The following PALM2AKAP2 variants were observed in gnomAD, a reference collection of about 807,000 sequenced individuals.
PALM2AKAP2 encodes the protein PALM2 and AKAP2 fusion.
PALM2AKAP2 carries 37 observed loss-of-function variants against 71.5 expected under a neutral mutation model. That is an observed-to-expected ratio of 0.52 (90% CI 0.40 to 0.68). The LOEUF (loss-of-function observed/expected upper bound fraction) is 0.68, where lower values mean the gene tolerates loss of function less well. Ranked by LOEUF, PALM2AKAP2 falls within the 30% of genes least tolerant of loss-of-function variation. The pLI is 0.00. For missense variants in PALM2AKAP2, 1,224 were observed against 1,191.8 expected (o/e 1.03, Z -0.40); for synonymous variants, 468 against 478.8 (o/e 0.98, Z 0.29).
intron 1 of PALM2AKAP2, among the ~76,000 whole-genome samples, chr9:109,757,391 G>A (rs998094503): frequency 6.6e-6 from 1 of 152,054 alleles, no homozygotes; most frequent in African/African-American, 2.4e-5. Flanking sequence ...TGAAATAAAA[G>A]CCTTTGATGC....
intron 1 of PALM2AKAP2, among the ~76,000 whole-genome samples, chr9:109,750,427 G>C (rs1828868896): frequency 6.6e-6 from 1 of 152,012 alleles, no homozygotes; most frequent in Non-Finnish European, 1.5e-5. Flanking sequence ...ATAATGTAAA[G>C]GAAAAAGAGG....
intron 1 of PALM2AKAP2, among the ~76,000 whole-genome samples, chr9:109,744,590 T>C (rs916828337): frequency 6.6e-6 from 1 of 152,152 alleles, no homozygotes; most frequent in Non-Finnish European, 1.5e-5. Flanking sequence ...AAGACAGCAA[T>C]TGACTATTTT....
chr9:110,115,146 A>G (rs1249366491), intron 1 of PALM2AKAP2, among the ~76,000 whole-genome samples: 1 of 152,192 alleles, frequency 6.6e-6, no homozygotes, highest in African/African-American at 2.4e-5. Context: ...AGCTGCTCCC[A>G]GAGTCTGGCT....
intron 1 of PALM2AKAP2, among the ~76,000 whole-genome samples, chr9:109,712,774 ATTTAG>A (rs1351608515): frequency 2.6e-5 from 4 of 152,268 alleles, no homozygotes; most frequent in Middle Eastern, 3.4e-3. Flanking sequence ...GTGGCTCCCC[ATTTAG>A]GTGGTCTCCA....
intron 1 of PALM2AKAP2, chr9:109,866,947 A>C: frequency 4.5e-6 from 2 of 441,798 alleles, no homozygotes; most frequent in Non-Finnish European, 4.6e-6. Context: ...AACCCATTTC[A>C]TTTGCATTGT....
At chr9:110,058,050 C>T (rs1833883389) in intron 1 of PALM2AKAP2, among the ~76,000 whole-genome samples, 1 of 152,176 alleles carries the variant, frequency 6.6e-6, no homozygotes, top group South Asian at 2.1e-4. Flanking sequence ...ACACACAGGA[C>T]ACCCCCTTCC....
intron 1 of PALM2AKAP2, among the ~76,000 whole-genome samples, chr9:110,057,931 A>G (rs1326926014): frequency 6.6e-6 from 1 of 152,218 alleles, no homozygotes; most frequent in Non-Finnish European, 1.5e-5. Context: ...AAGACTCAGG[A>G]CTTGAATCCA....
At chr9:109,999,759 T>A (rs1053892203) in intron 6 of PALM2AKAP2, among the ~76,000 whole-genome samples, 2 of 152,212 alleles carry the variant, frequency 1.3e-5, no homozygotes, top group African/African-American at 2.4e-5. Context: ...CCCTAATTTG[T>A]GTCCCACTAA....
chr9:109,914,612 A>G (rs909994452), intron 3 of PALM2AKAP2, among the ~76,000 whole-genome samples: 10 of 152,236 alleles, frequency 6.6e-5, no homozygotes, highest in African/African-American at 2.2e-4. Flanking sequence ...TTGACTGCTC[A>G]ACTATGAAAC....
intron 1 of PALM2AKAP2, among the ~76,000 whole-genome samples, chr9:109,698,619 G>A (rs1018279012): frequency 2.6e-5 from 4 of 152,076 alleles, no homozygotes; most frequent in African/African-American, 9.7e-5. Context: ...CATCCAAAAT[G>A]CTTTACCCTA....
chr9:109,712,975 G>A (rs1033658751), intron 1 of PALM2AKAP2, among the ~76,000 whole-genome samples: 1 of 152,188 alleles, frequency 6.6e-6, no homozygotes, highest in Non-Finnish European at 1.5e-5. Context: ...CTTTCACCCT[G>A]ATGGGCCACA....
At chr9:109,949,753 C>A (rs1416910480) in intron 6 of PALM2AKAP2, among the ~76,000 whole-genome samples, 1 of 152,268 alleles carries the variant, frequency 6.6e-6, no homozygotes, top group East Asian at 1.9e-4. Flanking sequence ...CTTGATAGCT[C>A]TCTGGGCTAT....
At position 110,077,738 on chromosome 9, in the gene PALM2AKAP2, G is replaced by A. The variant is rs191135676; in HGVS notation, c.156+28883G>A. Among the ~76,000 whole-genome samples the A allele has an allele frequency of 1.9e-4, 29 of 152,264 alleles. No individual in the cohort carries two copies. In the East Asian group the frequency reaches 4.8e-3, roughly 25 times the overall value. On this transcript the variant is annotated intron_variant, in intron 1 of 3. Transcript: ENST00000374525. ...ACAGAAAATATTGTAGGTCTTAGCCGAGTGCAGTGGCTCACGCCTGTAATC... is the reference window on the plus strand; with the variant it reads ...ACAGAAAATATTGTAGGTCTTAGCCAAGTGCAGTGGCTCACGCCTGTAATC...
intron 1 of PALM2AKAP2, among the ~76,000 whole-genome samples, chr9:109,808,474 G>C (rs1261196593): frequency 6.6e-6 from 1 of 152,220 alleles, no homozygotes; most frequent in African/African-American, 2.4e-5. Context: ...AAGCAGCAAA[G>C]TGTTAAAGAG....
At chr9:110,152,001 C>G (rs1483965276) in intron 2 of PALM2AKAP2, among the ~76,000 whole-genome samples, 2 of 152,188 alleles carry the variant, frequency 1.3e-5, no homozygotes, top group African/African-American at 4.8e-5. Context: ...CTTTGGGTGG[C>G]TGAGACAGAC....
At chr9:110,099,349 C>T (rs1321371912) in intron 1 of PALM2AKAP2, among the ~76,000 whole-genome samples, 1 of 152,230 alleles carries the variant, frequency 6.6e-6, no homozygotes, top group Non-Finnish European at 1.5e-5. Context: ...CTTCTACTGA[C>T]ATCTGGTACT....
At chr9:109,665,031 C>T (rs1420320352) in intron 1 of PALM2AKAP2, among the ~76,000 whole-genome samples, 1 of 152,140 alleles carries the variant, frequency 6.6e-6, no homozygotes, top group East Asian at 1.9e-4. Flanking sequence ...TTTTCAGCTC[C>T]ATCAGGTCAT....
chr9:110,120,802 G>A lies in PALM2AKAP2; in HGVS notation c.157-15325G>A, dbSNP rs563465453. The stretch of plus-strand genomic sequence containing the variant: ...TTACAGGCATAAGCCACTGCGCCCG[G>A]GCCAAAAGCCTGCTTTTTGATCAGC... On this transcript the variant is annotated intron_variant, in intron 1 of 3. Transcript: ENST00000374525. 9.8e-5 allele frequency among the ~76,000 whole-genome samples: 15 copies of A among 152,354 alleles called. No homozygotes were observed. In the East Asian group the frequency reaches 2.9e-3, roughly 29 times the overall value.
chr9:110,141,616 G>A (rs941464433), intron 2 of PALM2AKAP2, among the ~76,000 whole-genome samples: 8 of 152,190 alleles, frequency 5.3e-5, no homozygotes, highest in Non-Finnish European at 1.2e-4. Context: ...TTCATGGCTA[G>A]GGTCAGAACT....
Sources: allele counts gnomAD v4.1 joint callset (sites outside exome capture counted in the v4.1 genomes callset), GRCh38; gene constraint gnomAD v4.1.1; transcripts MANE v1.5; gene names NCBI Gene and HGNC (gene_info 2026-07-23, HGNC 2026-07-21).